The following MED27 variants were observed in gnomAD, a reference collection of about 807,000 sequenced individuals.
MED27 encodes the protein mediator complex subunit 27.
Under a neutral mutation model 38.2 loss-of-function variants are expected in MED27, and 30 were observed. The ratio of observed to expected loss-of-function variants is 0.79; its 90% CI spans 0.59 to 1.07. The LOEUF (loss-of-function observed/expected upper bound fraction) is 1.07, where lower values mean the gene tolerates loss of function less well. MED27 is among the 50% of genes least tolerant of loss of function. The pLI is 0.00. For synonymous variants in MED27, 122 were observed against 153.5 expected (o/e 0.79, Z 1.52); for missense variants, 289 against 397.5 (o/e 0.73, Z 2.32).
intron 3 of MED27, among the ~76,000 whole-genome samples, chr9:131,966,200 A>T (rs950654710): frequency 3.3e-5 from 2 of 60,132 alleles, no homozygotes; most frequent in African/African-American, 1.2e-4. Context: ...CTGTTTCTTT[A>T]AAAAAAAAAA....
chr9:131,916,196 G>A (rs987155707), intron 4 of MED27, among the ~76,000 whole-genome samples: 18 of 152,244 alleles, frequency 1.2e-4, no homozygotes, highest in African/African-American at 4.3e-4. Flanking sequence ...TGTGTAGAAT[G>A]GGATTAAGAA....
chr9:132,071,033 G>A (rs1013272120), intron 2 of MED27, among the ~76,000 whole-genome samples: 2 of 152,196 alleles, frequency 1.3e-5, no homozygotes, highest in South Asian at 2.1e-4. Context: ...CCTGGAACCT[G>A]TCCTCAGCAT....
intron 6 of MED27, among the ~76,000 whole-genome samples, chr9:131,876,541 G>T (rs920904266): frequency 1.3e-5 from 2 of 152,164 alleles, no homozygotes; most frequent in African/African-American, 4.8e-5. Flanking sequence ...ATTCAAACAA[G>T]ACCATTAAGA....
intron 2 of MED27, among the ~76,000 whole-genome samples, chr9:132,047,593 G>A (rs188821416): frequency 2.0e-4 from 31 of 151,626 alleles, no homozygotes; most frequent in Admixed American, 2.6e-4. Context: ...TCATTCTTCC[G>A]AGACTCTATC....
chr9:131,940,492 T>A (rs1478500419), intron 3 of MED27, among the ~76,000 whole-genome samples: 1 of 152,132 alleles, frequency 6.6e-6, no homozygotes, highest in Non-Finnish European at 1.5e-5. Context: ...CTCAGCTCAC[T>A]GCAACCTCCG....
chr9:132,030,250 A>C (rs984797841), intron 2 of MED27, among the ~76,000 whole-genome samples: 5 of 152,218 alleles, frequency 3.3e-5, no homozygotes, highest in Admixed American at 2.0e-4. Context: ...TGGCTCTCCA[A>C]GGCCCTGACC....
intron 3 of MED27, 109 bp downstream of exon 3, chr9:132,014,228 G>C (rs1832553344): frequency 1.1e-5 from 13 of 1,222,882 alleles, no homozygotes; most frequent in Non-Finnish European, 1.4e-5. Context: ...AAAAAAGGAA[G>C]GGAGGGAGGG....
intron 6 of MED27, among the ~76,000 whole-genome samples, chr9:131,877,800 G>C (rs1253351889): frequency 1.3e-5 from 2 of 152,164 alleles, no homozygotes; most frequent in African/African-American, 4.8e-5. Context: ...GGGGTTGGTA[G>C]TCAATTTACG....
At chr9:131,947,328 C>A (rs935069630) in intron 3 of MED27, among the ~76,000 whole-genome samples, 1 of 152,194 alleles carries the variant, frequency 6.6e-6, no homozygotes, top group Non-Finnish European at 1.5e-5. Context: ...GCTTGATATG[C>A]AGCTCCAGAA....
intron 4 of MED27, among the ~76,000 whole-genome samples, chr9:131,935,902 C>G (rs1049141116): frequency 6.6e-6 from 1 of 151,902 alleles, no homozygotes; most frequent in Non-Finnish European, 1.5e-5. Flanking sequence ...GTAATCCCAG[C>G]ACTTTGGGAG....
intron 3 of MED27, among the ~76,000 whole-genome samples, chr9:131,968,471 C>CAAA (rs10556528): frequency 2.0e-5 from 2 of 98,424 alleles, no homozygotes; most frequent in African/African-American, 8.1e-5. Context: ...GACCCTGTCT[C>CAAA]AAAAAAAAAA....
chr9:131,973,304 T>C (rs993637108), intron 3 of MED27, among the ~76,000 whole-genome samples: 16 of 152,178 alleles, frequency 1.1e-4, no homozygotes, highest in Admixed American at 5.9e-4. Context: ...AGGTTGACAC[T>C]ATCCCCTCCA....
At chr9:131,994,181 G>A (rs1467594793) in intron 3 of MED27, among the ~76,000 whole-genome samples, 1 of 152,156 alleles carries the variant, frequency 6.6e-6, no homozygotes, top group Non-Finnish European at 1.5e-5. Context: ...TTAGCCTAGG[G>A]TAAAATTAGC....
At chr9:132,001,315 G>A (rs770435674) in intron 3 of MED27, among the ~76,000 whole-genome samples, 3 of 152,084 alleles carry the variant, frequency 2.0e-5, no homozygotes, top group African/African-American at 2.4e-5. Flanking sequence ...GTATATACAT[G>A]TGTCACAATT....
chr9:131,943,950 T>G (rs1413066025), intron 3 of MED27, among the ~76,000 whole-genome samples: 1 of 152,182 alleles, frequency 6.6e-6, no homozygotes, highest in Non-Finnish European at 1.5e-5. Context: ...AACGAACTTT[T>G]AAGCAACCAG....
chr9:132,063,494 C>T (rs761560127), intron 2 of MED27, among the ~76,000 whole-genome samples: 2 of 152,150 alleles, frequency 1.3e-5, no homozygotes, highest in African/African-American at 4.8e-5. Flanking sequence ...CAACTGCCAG[C>T]AGGATAATGT....
chr9:131,984,391 T>G (rs1831805739), intron 3 of MED27, among the ~76,000 whole-genome samples: 1 of 152,146 alleles, frequency 6.6e-6, no homozygotes, highest in African/African-American at 2.4e-5. Flanking sequence ...TAGCAGGCAC[T>G]CAGATGACTA....
At chr9:132,050,926 T>C (rs912858967) in intron 2 of MED27, among the ~76,000 whole-genome samples, 4 of 152,238 alleles carry the variant, frequency 2.6e-5, no homozygotes, top group East Asian at 1.9e-4. Flanking sequence ...GGCATATGAA[T>C]GGCACTCAAT....
At position 131,893,954 on chromosome 9, in the gene MED27, C is replaced by A; in HGVS notation, c.612G>T (p.Met204Ile). Residue 204 changes from methionine (M) to isoleucine (I), a missense_variant, in exon 5 of 8, where the codon ATG becomes ATT. Met to Ile is a conservative substitution (Grantham distance 10, BLOSUM62 1). Coordinates refer to ENST00000292035, the MANE Select transcript of MED27 (RefSeq NM_004269.4). The part of the protein sequence containing the change: ...LGKVLKVIVV[M>I]RSLFIDRTIV... ...TTGTTCGATCAATGAACAGGCTCCG[C>A]ATGACGACGATCACTTTCAACACCT... 6.2e-7 allele frequency: 1 copy of A among 1,614,216 alleles called. No individual in the cohort carries two copies. The highest frequency in any genetic ancestry group is 1.7e-5 in the Admixed American group (1 of 60,032).
Sources: gnomAD v4.1 joint callset for allele counts (sites outside exome capture counted in the v4.1 genomes callset) on GRCh38, gnomAD v4.1.1 for gene constraint, MANE v1.5 for transcripts, NCBI Gene and HGNC (gene_info 2026-07-23, HGNC 2026-07-21) for gene names.